ATP11A: variants seen among roughly 807,000 people sequenced by gnomAD.
ATP11A encodes the protein phospholipid-transporting ATPase IH.
In ATP11A, 81 loss-of-function variants were observed where a neutral mutation model predicts 154.4. The observed-to-expected ratio is 0.52, with a 90% CI of 0.44 to 0.63. The LOEUF (loss-of-function observed/expected upper bound fraction) is 0.63, where lower values mean the gene tolerates loss of function less well. Ranked by LOEUF, ATP11A falls within the 30% of genes least tolerant of loss-of-function variation. The pLI, the probability that ATP11A is intolerant of heterozygous loss-of-function variation, is 0.00. For synonymous variants in ATP11A, 623 were observed against 585.9 expected (o/e 1.06, Z -0.91); for missense variants, 1,316 against 1,474.3 (o/e 0.89, Z 1.76).
At chr13:112,777,170 G>T (rs894132842) in intron 1 of ATP11A, among the ~76,000 whole-genome samples, 2 of 151,534 alleles carry the variant, frequency 1.3e-5, no homozygotes, top group Admixed American at 6.6e-5. Context: ...AAGCTCAGGC[G>T]CTGGCACCTG....
intron 1 of ATP11A, among the ~76,000 whole-genome samples, chr13:112,709,323 A>G (rs1887489450): frequency 6.6e-6 from 1 of 152,210 alleles, no homozygotes; most frequent in Non-Finnish European, 1.5e-5. Context: ...GTTTTACCCC[A>G]AAATATATTT....
At chr13:112,835,647 C>T (rs2079212695) in intron 15 of ATP11A, among the ~76,000 whole-genome samples, 1 of 152,252 alleles carries the variant, frequency 6.6e-6, no homozygotes, top group Non-Finnish European at 1.5e-5. Context: ...CCCACTGAGT[C>T]CAAGGCCCTG....
chr13:112,834,307 A>C (rs1272077577), intron 14 of ATP11A, among the ~76,000 whole-genome samples: 1 of 152,240 alleles, frequency 6.6e-6, no homozygotes, highest in Admixed American at 6.5e-5. Flanking sequence ...TGTGCCTGCC[A>C]TGCTCTTCTG....
chr13:112,848,967 C>T (rs1253992585), intron 17 of ATP11A, among the ~76,000 whole-genome samples: 4 of 152,200 alleles, frequency 2.6e-5, no homozygotes, highest in Non-Finnish European at 4.4e-5. Flanking sequence ...GGATTACAGG[C>T]GTGAGCCATC....
intron 1 of ATP11A, among the ~76,000 whole-genome samples, chr13:112,718,754 T>C (rs1317712151): frequency 1.3e-5 from 2 of 149,892 alleles, no homozygotes; most frequent in Non-Finnish European, 3.0e-5. Flanking sequence ...CACTGCAACC[T>C]CCGCCTCCCA....
In ATP11A at chr13:112,838,975, G is replaced by T. The variant is rs1325584102; in HGVS notation, c.1705+2724G>T. ...CCTGGGCTCAGCCCTGTAGGGGGTT[G>T]CGGCTGTCAGAGCCGGATCTCACTG... On this transcript the variant is annotated intron_variant, in intron 16 of 29. Coordinates refer to ENST00000375645, the MANE Select transcript of ATP11A (RefSeq NM_015205.3). This position sits in a 1 kb window ranked among gnomAD's most constrained non-coding sequence, Gnocchi z 7.3. 6.6e-6 allele frequency among the ~76,000 whole-genome samples: 1 copy of T among 152,200 alleles called. No homozygotes were observed. The highest frequency in any genetic ancestry group is 1.5e-5 in the Non-Finnish European group (1 of 68,038).
rs1244470109 is a variant in ATP11A, at chr13:112,838,189, G to GT, written c.1705+1939dup. On this transcript the variant is annotated intron_variant, in intron 16 of 29. Transcript: ENST00000375645. This position sits in a 1 kb window ranked among gnomAD's most constrained non-coding sequence, Gnocchi z 7.3. Reference sequence around the variant, plus strand: ...GTTCAGATGCGCGAGACTTCTGTGTGTCAGAACCCTTCCCCCCGGCTCGGA... The same window carrying GT: ...GTTCAGATGCGCGAGACTTCTGTGTGTTCAGAACCCTTCCCCCCGGCTCGGA... Among the ~76,000 whole-genome samples the GT allele has an allele frequency of 3.3e-5, 5 of 152,178 alleles. No individual in the cohort carries two copies. Among genetic ancestry groups the GT allele is most frequent in the African/African-American group, 1.2e-4 (5 of 41,456 alleles).
chr13:112,852,863 C>T (rs1047806043), intron 18 of ATP11A, among the ~76,000 whole-genome samples: 1 of 151,858 alleles, frequency 6.6e-6, no homozygotes, highest in Non-Finnish European at 1.5e-5. Flanking sequence ...TCAGCAAGTG[C>T]GAAACATCTC....
At chr13:112,772,039 A>G (rs983253545) in intron 1 of ATP11A, among the ~76,000 whole-genome samples, 3 of 152,214 alleles carry the variant, frequency 2.0e-5, no homozygotes, top group African/African-American at 7.2e-5. Flanking sequence ...CGGCTGAGGC[A>G]GAGTCCTCCC....
rs1046793 is a variant in ATP11A, at chr13:112,885,580, C to T, written c.*3714C>T. The T allele has an allele frequency of 0.47, 66,315 of 140,384 alleles. 15,810 individuals carry two copies. The highest frequency in any genetic ancestry group is 0.62 in the East Asian group (3,070 of 4,936). The allele number at this position is 140,384 out of a possible 1,614,324, so 8.7% of individuals were successfully genotyped here. On this transcript the variant is annotated 3_prime_UTR_variant, in exon 30 of 30. Coordinates refer to ENST00000375645, the MANE Select transcript of ATP11A (RefSeq NM_015205.3). The stretch of plus-strand genomic sequence containing the variant: ...ACGAGCTCCCAGACATGTAAACACA[C>T]GTCTCCCACACGTGAGCTCCCACAC...
At chr13:112,881,073 C>T (rs1210141465) in intron 29 of ATP11A, 8 of 987,434 alleles carry the variant, frequency 8.1e-6, no homozygotes, top group South Asian at 4.7e-5. Context: ...GTGTGCCAGC[C>T]GGAGCACATA....
intron 13 of ATP11A, among the ~76,000 whole-genome samples, chr13:112,832,136 G>A (rs1208604697): frequency 6.6e-6 from 1 of 152,014 alleles, no homozygotes; most frequent in African/African-American, 2.4e-5. Context: ...ATGCTCACAC[G>A]CAGACACACA....
rs933071961 is a variant in ATP11A, at chr13:112,807,208, G to A, written c.333+915G>A. ...GAGCGTGGCGGAGCCACCAAGCACA[G>A]CAGTTGGCAACATCTGACACAGGCA... On this transcript the variant is annotated intron_variant, in intron 4 of 29. Coordinates refer to ENST00000375645, the MANE Select transcript of ATP11A (RefSeq NM_015205.3). This position sits in a 1 kb window ranked among gnomAD's most constrained non-coding sequence, Gnocchi z 4.5. Among the ~76,000 whole-genome samples the A allele has an allele frequency of 6.6e-6, 1 of 152,266 alleles. No homozygotes were observed. Among genetic ancestry groups the A allele is most frequent in the African/African-American group, 2.4e-5 (1 of 41,476 alleles).
intron 1 of ATP11A, among the ~76,000 whole-genome samples, chr13:112,708,052 A>T (rs1173075576): frequency 6.6e-6 from 1 of 152,210 alleles, no homozygotes; most frequent in African/African-American, 2.4e-5. Flanking sequence ...ACGTCACGCA[A>T]CCAACACTTC....
intron 25 of ATP11A, among the ~76,000 whole-genome samples, chr13:112,863,111 T>C (rs9549308): frequency 0.51 from 22,140 of 43,574 alleles, 6,991 homozygotes; most frequent in Admixed American, 0.63. Context: ...GCACATGCAG[T>C]TTCCCAGCGG....
intron 1 of ATP11A, among the ~76,000 whole-genome samples, chr13:112,720,815 C>G (rs775304166): frequency 6.6e-6 from 1 of 152,178 alleles, no homozygotes; most frequent in Non-Finnish European, 1.5e-5. Flanking sequence ...CTTGGCCTCT[C>G]AAAGTGCTGA....
intron 14 of ATP11A, among the ~76,000 whole-genome samples, chr13:112,833,764 C>T (rs545444110): frequency 5.2e-4 from 79 of 152,326 alleles, no homozygotes; most frequent in African/African-American, 1.7e-3. Context: ...CCCACACATG[C>T]GTAGGTGAGG....
chr13:112,730,889 G>A (rs1034750775), intron 1 of ATP11A, among the ~76,000 whole-genome samples: 2 of 152,134 alleles, frequency 1.3e-5, no homozygotes, highest in Non-Finnish European at 2.9e-5. Flanking sequence ...GTGTGTCTTC[G>A]GGCAGCACTT....
At chr13:112,735,971 G>C (rs71446625) in intron 1 of ATP11A, among the ~76,000 whole-genome samples, 19 of 152,254 alleles carry the variant, frequency 1.2e-4, no homozygotes, top group African/African-American at 4.3e-4. Flanking sequence ...GTCTGCACAT[G>C]CCCAGAGCCT....
Sources: allele counts gnomAD v4.1 joint callset (sites outside exome capture counted in the v4.1 genomes callset), GRCh38; gene constraint gnomAD v4.1.1; non-coding constraint Gnocchi (gnomAD v3.1); transcripts MANE v1.5; gene names NCBI Gene and HGNC (gene_info 2026-07-23, HGNC 2026-07-21).